CACYBP: variants seen among roughly 807,000 people sequenced by gnomAD.
The protein encoded by CACYBP is calcyclin-binding protein.
A neutral mutation model predicts 29.6 loss-of-function variants in CACYBP; 11 were observed. The ratio of observed to expected loss-of-function variants is 0.37; its 90% CI spans 0.23 to 0.61. The LOEUF (loss-of-function observed/expected upper bound fraction) is 0.61, where lower values mean the gene tolerates loss of function less well. Ranked by LOEUF, CACYBP falls within the 20% of genes least tolerant of loss-of-function variation. The probability of loss-of-function intolerance (pLI) is 0.65; values close to 1 mark genes in which losing one functional copy is unlikely to be tolerated. For synonymous variants in CACYBP, 73 were observed against 88.3 expected (o/e 0.83, Z 0.97); for missense variants, 163 against 260.7 (o/e 0.63, Z 2.58).
At position 174,999,999 on chromosome 1, in the gene CACYBP, T is replaced by C; in HGVS notation, c.-182T>C. 1 of 855,534 alleles carries C rather than the reference T, an allele frequency of 1.2e-6. No individual in the cohort carries two copies. Among genetic ancestry groups the C allele is most frequent in the Non-Finnish European group, 1.8e-6 (1 of 547,630 alleles). 53.0% of individuals were successfully genotyped at this position (855,534 alleles called of 1,614,324 possible). A position where few individuals can be genotyped will look rare whatever the true frequency, so the allele number is the denominator to read the frequency against. ...GGTGGCGGCGGCTGCCTCGCGAAGG[T>C]TCGAGATCCGTCGCGTGCGGGAGGC... On this transcript the variant is annotated 5_prime_UTR_variant, in exon 1 of 6. Transcript: ENST00000367679.
At chr1:175,005,974 C>T (rs1421244319) in intron 2 of CACYBP, among the ~76,000 whole-genome samples, 2 of 152,038 alleles carry the variant, frequency 1.3e-5, no homozygotes, top group African/African-American at 4.8e-5. Flanking sequence ...ATGTGAAAAA[C>T]GTCATGGAGG....
At chr1:175,006,979 G>A (rs1025935645) in intron 3 of CACYBP, 119 bp from the exon 4 acceptor site, 35 of 844,454 alleles carry the variant, frequency 4.1e-5, no homozygotes, top group Non-Finnish European at 5.4e-5. Flanking sequence ...AGAGGTGAGC[G>A]TTAACTGGCC....
At position 175,011,413 on chromosome 1, in the gene CACYBP, A is replaced by G. The variant is rs1672753227; in HGVS notation, c.*1334A>G. Reference sequence around the variant, plus strand: ...AAAATAGGCATATAGATATATTCCAAGCCGCCTGACGATCTAATTGTAAAA... The same window carrying G: ...AAAATAGGCATATAGATATATTCCAGGCCGCCTGACGATCTAATTGTAAAA... On this transcript the variant is annotated 3_prime_UTR_variant, in exon 6 of 6. Transcript: ENST00000367679. 6.6e-6 allele frequency: 1 copy of G among 152,212 alleles called. No homozygotes were observed. The highest frequency in any genetic ancestry group is 1.5e-5 in the Non-Finnish European group (1 of 68,028). 9.4% of individuals were successfully genotyped at this position (152,212 alleles called of 1,614,324 possible). A position where few individuals can be genotyped will look rare whatever the true frequency, so the allele number is the denominator to read the frequency against.
chr1:175,007,053 C>A, intron 3 of CACYBP, 45 bp from the exon 4 acceptor site: 2 of 1,325,830 alleles, frequency 1.5e-6, no homozygotes, highest in Non-Finnish European at 2.1e-6. Flanking sequence ...GTAAGGGTAC[C>A]TTTCATAGAA....
At chr1:175,003,233 C>T (rs957398074) in intron 1 of CACYBP, among the ~76,000 whole-genome samples, 10 of 151,990 alleles carry the variant, frequency 6.6e-5, no homozygotes, top group Admixed American at 1.3e-4. Context: ...ATTCTTCTGC[C>T]TCAGCTTCCC....
upstream of CACYBP, chr1:174,999,855 G>A (rs1672416057): frequency 2.1e-6 from 1 of 482,702 alleles, no homozygotes; most frequent in East Asian, 4.2e-5. Flanking sequence ...GTTGCTAGGA[G>A]ATTCGGCAGG....
In CACYBP at chr1:174,999,955, G is replaced by C. The variant is rs1672419640; in HGVS notation, c.-226G>C. 3.3e-6 allele frequency: 2 copies of C among 614,152 alleles called. No homozygotes were observed. Among genetic ancestry groups the C allele is most frequent in the East Asian group, 3.2e-5 (1 of 31,112 alleles). The allele number at this position is 614,152 out of a possible 1,614,324, so 38.0% of individuals were successfully genotyped here. A position where few individuals can be genotyped will look rare whatever the true frequency, so the allele number is the denominator to read the frequency against. ...TGGGTGGAGCCAGGCTTGGCGGGCT[G>C]TGCGTGCTCGCGGTGGGCGGTGGCG... On this transcript the variant is annotated 5_prime_UTR_variant, in exon 1 of 6. Coordinates refer to ENST00000367679, the MANE Select transcript of CACYBP (RefSeq NM_014412.3).
At chr1:175,004,864 C>A in intron 2 of CACYBP, 31 bp downstream of exon 2, 1 of 1,368,648 alleles carries the variant, frequency 7.3e-7, no homozygotes, top group Non-Finnish European at 1.0e-6. Context: ...GCCAGTTCTG[C>A]CTCCGAGCAA....
chr1:175,000,224 GC>G, intron 1 of CACYBP, 29 bp downstream of exon 1: 3 of 1,594,104 alleles, frequency 1.9e-6, no homozygotes, highest in African/African-American at 1.4e-5. Context: ...TATTCCTTAT[GC>G]CCCCCGGCTG....
chr1:175,001,067 GTTTTGT>G (rs1194062470), intron 1 of CACYBP, among the ~76,000 whole-genome samples: 9 of 152,160 alleles, frequency 5.9e-5, no homozygotes, highest in African/African-American at 2.2e-4. Flanking sequence ...CTTTTGTTTT[GTTTTGT>G]TTTTGTTTTT....
At chr1:175,008,844 CT>C (rs1672680535) in intron 5 of CACYBP, 138 bp downstream of exon 5, 2 of 621,846 alleles carry the variant, frequency 3.2e-6, no homozygotes, top group South Asian at 3.9e-5. Flanking sequence ...CAGCAAGTTG[CT>C]TTTTAAGGTC....
chr1:175,000,316 A>G lies in CACYBP; in HGVS notation c.15+121A>G, dbSNP rs1672438488. The G allele has an allele frequency of 1.4e-5, 21 of 1,488,764 alleles. No homozygotes were observed. The South Asian group carries it at 2.7e-4, about 19-fold the overall frequency. 92.2% of individuals were successfully genotyped at this position (1,488,764 alleles called of 1,614,324 possible). A position where few individuals can be genotyped will look rare whatever the true frequency, so the allele number is the denominator to read the frequency against. On this transcript the variant is annotated intron_variant, in intron 1 of 5. Coordinates refer to ENST00000367679, the MANE Select transcript of CACYBP (RefSeq NM_014412.3). The stretch of plus-strand genomic sequence containing the variant: ...GCGGCCACCCGGTCCCGCGCCAGTC[A>G]GTGCGCCGCCTTCCCGGGGGACACC...
At chr1:175,009,844 T>C (rs1055055541) in intron 5 of CACYBP, 79 bp from the exon 6 acceptor site, 2 of 1,108,984 alleles carry the variant, frequency 1.8e-6, no homozygotes, top group African/African-American at 3.1e-5. Flanking sequence ...CTCTACTTCC[T>C]GCCAGTGTTA....
In CACYBP at chr1:175,000,022, G is replaced by C. The variant is rs1672422707; in HGVS notation, c.-159G>C. On this transcript the variant is annotated 5_prime_UTR_variant, in exon 1 of 6. Coordinates refer to ENST00000367679, the MANE Select transcript of CACYBP (RefSeq NM_014412.3). ...GGTTCGAGATCCGTCGCGTGCGGGA[G>C]GCGGGCCGCGATCTTGCGCAGGGTC... The C allele has an allele frequency of 9.5e-7, 1 of 1,052,072 alleles. No homozygotes were observed. Among genetic ancestry groups the C allele is most frequent in the Non-Finnish European group, 1.4e-6 (1 of 710,094 alleles). The allele number at this position is 1,052,072 out of a possible 1,614,324, so 65.2% of individuals were successfully genotyped here.
At position 174,999,961 on chromosome 1, in the gene CACYBP, G is replaced by T; in HGVS notation, c.-220G>T. On this transcript the variant is annotated 5_prime_UTR_variant, in exon 1 of 6. Coordinates refer to ENST00000367679, the MANE Select transcript of CACYBP (RefSeq NM_014412.3). ...GAGCCAGGCTTGGCGGGCTGTGCGT[G>T]CTCGCGGTGGGCGGTGGCGGCGGCT... The T allele has an allele frequency of 1.6e-6, 1 of 627,470 alleles. No individual in the cohort carries two copies. 38.9% of individuals were successfully genotyped at this position (627,470 alleles called of 1,614,324 possible).
chr1:175,000,958 G>A (rs968582511), intron 1 of CACYBP, among the ~76,000 whole-genome samples: 1 of 152,210 alleles, frequency 6.6e-6, no homozygotes, highest in African/African-American at 2.4e-5. Context: ...ATTTCCTGGC[G>A]TAAGTGGGAG....
At chr1:175,001,802 C>T (rs767951075) in intron 1 of CACYBP, among the ~76,000 whole-genome samples, 7 of 152,162 alleles carry the variant, frequency 4.6e-5, no homozygotes, top group Admixed American at 2.0e-4. Flanking sequence ...AGTGCAATGG[C>T]GCAATCTCGG....
At chr1:175,000,438 AT>A in intron 1 of CACYBP, 1 of 1,377,358 alleles carries the variant, frequency 7.3e-7, no homozygotes, top group South Asian at 1.6e-5. Context: ...TGCGGCGATT[AT>A]CCGTGCAGGC....
chr1:175,001,978 G>A (rs1013734462), intron 1 of CACYBP, among the ~76,000 whole-genome samples: 3 of 152,190 alleles, frequency 2.0e-5, no homozygotes, highest in African/African-American at 7.2e-5. Context: ...CTGATCTCAA[G>A]TGATCCGCCC....
Sources: gnomAD v4.1 joint callset for allele counts (sites outside exome capture counted in the v4.1 genomes callset) on GRCh38, gnomAD v4.1.1 for gene constraint, MANE v1.5 for transcripts, NCBI Gene and HGNC (gene_info 2026-07-23, HGNC 2026-07-21) for gene names.